NARS1: variants seen among roughly 807,000 people sequenced by gnomAD.
The protein encoded by NARS1 is asparagine--tRNA ligase, cytoplasmic.
NARS1 carries 65 observed loss-of-function variants against 79.2 expected under a neutral mutation model. The ratio of observed to expected loss-of-function variants is 0.82; its 90% CI spans 0.67 to 1.01. The LOEUF (loss-of-function observed/expected upper bound fraction) is 1.01, where lower values mean the gene tolerates loss of function less well. Among genes scored for constraint, NARS1 ranks in the 50% least tolerant of loss-of-function variants. The pLI is 0.00. For synonymous variants in NARS1, 229 were observed against 238.8 expected (o/e 0.96, Z 0.38); for missense variants, 649 against 673.8 (o/e 0.96, Z 0.41).
chr18:57,610,274 C>G (rs1316114275), intron 6 of NARS1, among the ~76,000 whole-genome samples: 1 of 152,134 alleles, frequency 6.6e-6, no homozygotes, highest in East Asian at 1.9e-4. Context: ...GAGTTCAAGA[C>G]CAGCCTGGCC....
At chr18:57,606,502 T>G in intron 10 of NARS1, 114 bp downstream of exon 10, 1 of 984,176 alleles carries the variant, frequency 1.0e-6, no homozygotes, top group Non-Finnish European at 1.5e-6. Flanking sequence ...TCAAAATAAT[T>G]AGTCACTTAT....
intron 11 of NARS1, among the ~76,000 whole-genome samples, chr18:57,605,539 G>A (rs376392473): frequency 4.6e-5 from 7 of 151,110 alleles, no homozygotes; most frequent in African/African-American, 1.2e-4. Context: ...TCCAGGAGGC[G>A]GAGGTTGCAG....
chr18:57,613,693 A>G lies in NARS1; in HGVS notation c.343-13T>C. 2 of 1,602,788 alleles carry G rather than the reference A, an allele frequency of 1.2e-6. No homozygotes were observed. The highest frequency in any genetic ancestry group is 1.1e-5 in the South Asian group (1 of 90,472). ...CACCAATCTTCACCTGTCAAATTGA[A>G]ATAAACAACATTTGTTCAATAATGT... On this transcript the variant is annotated splice_polypyrimidine_tract_variant and intron_variant, in intron 4 of 13. Transcript: ENST00000256854.
rs1175712420 is a variant in NARS1, at chr18:57,608,437, CAAAAAAAA to C, written c.580-780_580-773del. Reference sequence around the variant, plus strand: ...GCGCAACAAGAGCGAAACTCCGTCTCAAAAAAAAAAAAAAAAAAAAACAATAAAAACAG... The same window carrying C: ...GCGCAACAAGAGCGAAACTCCGTCTCAAAAAAAAAAAAACAATAAAAACAG... On this transcript the variant is annotated intron_variant, in intron 7 of 13. Transcript: ENST00000256854. Among the ~76,000 whole-genome samples, 5 of 78,260 alleles carry C rather than the reference CAAAAAAAA, an allele frequency of 6.4e-5. No homozygotes were observed. The South Asian group carries it at 2.6e-3, about 41-fold the overall frequency. 51.3% of individuals were successfully genotyped at this position (78,260 alleles called of 152,430 possible). A position where few individuals can be genotyped will look rare whatever the true frequency, so the allele number is the denominator to read the frequency against.
chr18:57,613,807 C>G, intron 4 of NARS1, 127 bp from the exon 5 acceptor site: 1 of 710,552 alleles, frequency 1.4e-6, no homozygotes, highest in Non-Finnish European at 2.4e-6. Context: ...GAGACAGCCC[C>G]TCTACTGCAG....
Position 57,606,627 on chromosome 18 carries a change from C to G in NARS1, c.1126G>C (p.Glu376Gln). ...AACACTGCACCTACCGGGTTGAGCTCATGCACTATGCTCCCTGCAGGTGAC... is the reference window on the plus strand; with the variant it reads ...AACACTGCACCTACCGGGTTGAGCTGATGCACTATGCTCCCTGCAGGTGAC... ...LKSPAGSIVH[E>Q]LNPNFQPPKR... Residue 376 changes from glutamate (E) to glutamine (Q), a missense_variant, in exon 10 of 14, where the codon GAG (glutamate) becomes CAG (glutamine). Glu to Gln is a conservative substitution (Grantham distance 29). Coordinates refer to ENST00000256854, the MANE Select transcript of NARS1 (RefSeq NM_004539.4). 1 of 1,613,932 alleles carries G rather than the reference C, an allele frequency of 6.2e-7. No individual in the cohort carries two copies. Among genetic ancestry groups the G allele is most frequent in the Non-Finnish European group, 8.5e-7 (1 of 1,179,898 alleles).
intron 5 of NARS1, among the ~76,000 whole-genome samples, chr18:57,612,211 A>G (rs1460078924): frequency 6.7e-6 from 1 of 149,142 alleles, no homozygotes; most frequent in Non-Finnish European, 1.5e-5. Context: ...CAAATCCTAC[A>G]TGATCCCCAA....
chr18:57,607,277 C>G lies in NARS1; in HGVS notation c.858G>C (p.Lys286Asn), dbSNP rs1450643540. The G allele has an allele frequency of 6.2e-7, 1 of 1,614,174 alleles. No individual in the cohort carries two copies. The highest frequency in any genetic ancestry group is 1.1e-5 in the South Asian group (1 of 91,080). Reference sequence around the variant, plus strand: ...ATGCCTCTTCCCCAAAATAGTCAAGCTTGAAGAGTGTGGCACCACCTTCTA... The same window carrying G: ...ATGCCTCTTCCCCAAAATAGTCAAGGTTGAAGAGTGTGGCACCACCTTCTA... ...TQVEGGATLFKLDYFGEEAFL... is the reference protein window; with the variant it reads ...TQVEGGATLFNLDYFGEEAFL... The change falls in exon 9 of 14, where the codon AAG becomes AAC. Residue 286 changes from lysine to asparagine, a missense_variant. By Grantham distance (94) the Lys-to-Asn change is moderately conservative. Transcript: ENST00000256854.
In NARS1 at chr18:57,621,754, C is replaced by T. The variant is rs1023316529; in HGVS notation, c.-37G>A. 59 of 1,613,842 alleles carry T rather than the reference C, an allele frequency of 3.7e-5. No homozygotes were observed. Among genetic ancestry groups the T allele is most frequent in the African/African-American group, 6.7e-5 (5 of 74,950 alleles). On this transcript the variant is annotated 5_prime_UTR_variant, in exon 1 of 14. Coordinates refer to ENST00000256854, the MANE Select transcript of NARS1 (RefSeq NM_004539.4). Reference sequence around the variant, plus strand: ...CCCTGGTCACCTCCAAGGACACAGACTGCAACACCGACGCCGTCTTATGAC... The same window carrying T: ...CCCTGGTCACCTCCAAGGACACAGATTGCAACACCGACGCCGTCTTATGAC...
chr18:57,604,497 G>A (rs1383130014), intron 11 of NARS1, among the ~76,000 whole-genome samples: 2 of 150,844 alleles, frequency 1.3e-5, no homozygotes, highest in Non-Finnish European at 3.0e-5. Context: ...CCCAAAACTA[G>A]TTAGCAGCAT....
chr18:57,620,191 C>A (rs1232344313), intron 2 of NARS1, among the ~76,000 whole-genome samples: 1 of 152,176 alleles, frequency 6.6e-6, no homozygotes, highest in East Asian at 1.9e-4. Flanking sequence ...GGATCACACT[C>A]TGGATTGTGG....
chr18:57,606,711 CA>C lies in NARS1; in HGVS notation c.1041del (p.Phe347LeufsTer5). 6.2e-7 allele frequency: 1 copy of C among 1,614,130 alleles called. No homozygotes were observed. Among genetic ancestry groups the C allele is most frequent in the Non-Finnish European group, 8.5e-7 (1 of 1,180,026 alleles). On this transcript the variant is annotated frameshift_variant, in exon 10 of 14. Coordinates refer to ENST00000256854, the MANE Select transcript of NARS1 (RefSeq NM_004539.4). LOFTEE classifies it high-confidence loss of function. ...HVEAECPFLT[F>X]DDLLNRLEDL... ...TCCTCCAACCGGTTCAGGAGGTCGT[CA>C]AAAGTCAGGAAAGGACACTCAGCTT...
At chr18:57,605,134 A>AATATAT (rs1555683460) in intron 11 of NARS1, among the ~76,000 whole-genome samples, 7 of 135,218 alleles carry the variant, frequency 5.2e-5, no homozygotes, top group African/African-American at 1.4e-4. Flanking sequence ...AAAAAAAAAA[A>AATATAT]ATATATATAT....
chr18:57,602,668 A>G lies in NARS1; in HGVS notation c.1383+144T>C. 5 of 1,205,616 alleles carry G rather than the reference A, an allele frequency of 4.1e-6. No individual in the cohort carries two copies. In the Admixed American group the frequency reaches 1.3e-4, roughly 33 times the overall value. The allele number at this position is 1,205,616 out of a possible 1,614,324, so 74.7% of individuals were successfully genotyped here. On this transcript the variant is annotated intron_variant, in intron 12 of 13. Transcript: ENST00000256854. ...AAAGCATGTCAACTTCAATCAGGGG[A>G]GGGTGAAAAAACCCAACGTCTTTAA...
At chr18:57,616,182 T>A (rs1235041148) in intron 2 of NARS1, among the ~76,000 whole-genome samples, 3 of 151,822 alleles carry the variant, frequency 2.0e-5, no homozygotes, top group Non-Finnish European at 2.9e-5. Flanking sequence ...ATCCCAGCAC[T>A]TTGGAAGGCC....
In NARS1 at chr18:57,620,852, T is replaced by C. The variant is rs532454484; in HGVS notation, c.11-201A>G. Among the ~76,000 whole-genome samples the C allele has an allele frequency of 1.6e-4, 24 of 152,330 alleles. 3 individuals carry two copies. In the South Asian group the frequency reaches 5.0e-3, roughly 32 times the overall value. ...TAAAAACATTAGTTAATAATCCAGG[T>C]TTTCAAAATGAACTCTGATCATTTT... On this transcript the variant is annotated intron_variant, in intron 1 of 13. Coordinates refer to ENST00000256854, the MANE Select transcript of NARS1 (RefSeq NM_004539.4).
At chr18:57,608,844 C>T (rs2051582774) in intron 7 of NARS1, among the ~76,000 whole-genome samples, 1 of 152,160 alleles carries the variant, frequency 6.6e-6, no homozygotes, top group Admixed American at 6.5e-5. Context: ...GAGAGGCAGA[C>T]CCACCCTCAA....
intron 11 of NARS1, among the ~76,000 whole-genome samples, chr18:57,605,325 T>C (rs2051544630): frequency 1.3e-5 from 2 of 151,776 alleles, no homozygotes; most frequent in African/African-American, 4.8e-5. Context: ...AAACTCACAC[T>C]TGGCCAGAAG....
intron 11 of NARS1, 38 bp from the exon 12 acceptor site, chr18:57,602,981 G>A: frequency 1.2e-6 from 2 of 1,611,212 alleles, no homozygotes; most frequent in Non-Finnish European, 1.7e-6. Context: ...TTTACAACTT[G>A]GATCGCAACA....
Sources: allele counts gnomAD v4.1 joint callset (sites outside exome capture counted in the v4.1 genomes callset), GRCh38; gene constraint gnomAD v4.1.1; transcripts MANE v1.5; gene names NCBI Gene and HGNC (gene_info 2026-07-23, HGNC 2026-07-21).